The following COQ10A variants were observed in gnomAD, a reference collection of about 807,000 sequenced individuals.
COQ10A encodes coenzyme Q-binding protein COQ10 homolog A, mitochondrial.
In COQ10A, 25 loss-of-function variants were observed where a neutral mutation model predicts 26.1. That is an observed-to-expected ratio of 0.96 (90% CI 0.70 to 1.34). The LOEUF is 1.34. Among genes scored for constraint, COQ10A ranks in the 40% most tolerant of loss-of-function variants. The probability of loss-of-function intolerance (pLI) is 0.00; values close to 1 mark genes in which losing one functional copy is unlikely to be tolerated. For synonymous variants in COQ10A, 132 were observed against 124.0 expected, an observed-to-expected ratio of 1.06 and a Z score of -0.43; for missense variants, 312 against 335.4, an observed-to-expected ratio of 0.93 and a Z score of 0.54.
intron 2 of COQ10A, 83 bp downstream of exon 2, chr12:56,268,023 C>A: frequency 6.5e-7 from 1 of 1,540,478 alleles, no homozygotes; most frequent in South Asian, 1.2e-5. Context: ...AGGGTATCAT[C>A]GGTGGGCAAG....
rs200295521 is a variant in COQ10A, at chr12:56,270,256, A to G, written c.683A>G (p.Lys228Arg). The G allele has an allele frequency of 2.8e-5, 46 of 1,614,134 alleles. No individual in the cohort carries two copies. In the African/African-American group the frequency reaches 5.3e-4, roughly 19 times the overall value. The change falls in exon 5 of 5, where the codon AAG becomes AGG. Residue 228 changes from lysine to arginine, a missense_variant. Physicochemically the swap from Lys to Arg is conservative, Grantham distance 26 (BLOSUM62 2). Transcript: ENST00000308197. ...VAAFERRAAT[K>R]FGPETAIPRE... ...GCCTTTGAGCGTCGGGCAGCCACCA[A>G]GTTTGGTCCAGAAACAGCCATCCCC...
intron 1 of COQ10A, chr12:56,267,591 C>T (rs1872388140): frequency 8.7e-7 from 1 of 1,153,832 alleles, no homozygotes; most frequent in Non-Finnish European, 1.3e-6. Context: ...CTCACCCCGC[C>T]CCCAGCCCTG....
intron 4 of COQ10A, 46 bp from the exon 5 acceptor site, chr12:56,270,104 T>C (rs1872469121): frequency 6.3e-7 from 1 of 1,585,184 alleles, no homozygotes; most frequent in Non-Finnish European, 8.6e-7. Context: ...CCAGGGACTA[T>C]CCAACATGGT....
At chr12:56,268,914 G>A in intron 2 of COQ10A, 145 bp from the exon 3 acceptor site, 1 of 650,872 alleles carries the variant, frequency 1.5e-6, no homozygotes, top group Non-Finnish European at 2.8e-6. Context: ...GTTTGCTTTT[G>A]GGAAGTTATT....
chr12:56,267,061 TGGA>T lies in COQ10A; in HGVS notation c.-56_-54del, dbSNP rs1872367604. The T allele has an allele frequency of 8.0e-7, 1 of 1,243,380 alleles. No individual in the cohort carries two copies. The highest frequency in any genetic ancestry group is 1.0e-6 in the Non-Finnish European group (1 of 993,708). 77.0% of individuals were successfully genotyped at this position (1,243,380 alleles called of 1,614,324 possible). On this transcript the variant is annotated 5_prime_UTR_variant, in exon 1 of 5. Transcript: ENST00000308197. ...CCGCTGCCTCTTGCCGCTCCGCCTT[TGGA>T]GTGAGGAGGGCGCAGCCCGCGTCAG...
At position 56,269,778 on chromosome 12, in the gene COQ10A, C is replaced by T. The variant is rs551812286; in HGVS notation, c.576+217C>T. ...AAGTAGCTGGGATTACAGGAGCCTG[C>T]TACCAAGCCCGACTGATTTTTTATT... On this transcript the variant is annotated intron_variant, in intron 4 of 4. Transcript: ENST00000308197. 4.2e-4 allele frequency: 228 copies of T among 544,120 alleles called. 3 individuals are homozygous for T. The highest frequency in any genetic ancestry group is 1.9e-3 in the South Asian group (94 of 48,712). 33.7% of individuals were successfully genotyped at this position (544,120 alleles called of 1,614,324 possible).
At chr12:56,267,298 C>A in intron 1 of COQ10A, 46 bp downstream of exon 1, 1 of 1,595,350 alleles carries the variant, frequency 6.3e-7, no homozygotes, top group Non-Finnish European at 8.6e-7. Flanking sequence ...TCGCTGCGAA[C>A]CCCGGGGTTC....
chr12:56,269,343 T>A (rs1872439744), intron 3 of COQ10A, 92 bp downstream of exon 3: 1 of 1,465,684 alleles, frequency 6.8e-7, no homozygotes, highest in Non-Finnish European at 9.5e-7. Context: ...AAGTACTTTA[T>A]GTCCATGTGT....
Position 56,270,157 on chromosome 12 carries a change from T to C in COQ10A, c.584T>C (p.Phe195Ser). ...RTCTVDFSIS[F>S]EFRSLLHSQL... is the part of the protein sequence containing the mutation. ...TCTCTTACCCATTCCCAGATTTCCT[T>C]TGAATTTCGTTCTCTGCTGCACTCC... Residue 195 changes from phenylalanine (F) to serine (S), a missense_variant, in exon 5 of 5, where the codon TTT (phenylalanine) becomes TCT (serine). Phe to Ser is a radical substitution (Grantham distance 155). Transcript: ENST00000308197. The C allele has an allele frequency of 6.2e-7, 1 of 1,613,732 alleles. No individual in the cohort carries two copies. The highest frequency in any genetic ancestry group is 8.5e-7 in the Non-Finnish European group (1 of 1,179,684).
At position 56,270,631 on chromosome 12, in the gene COQ10A, T is replaced by C. The variant is rs559433480; in HGVS notation, c.*314T>C. 16 of 228,066 alleles carry C rather than the reference T, an allele frequency of 7.0e-5. No individual in the cohort carries two copies. Among genetic ancestry groups the C allele is most frequent in the Admixed American group, 3.4e-4 (6 of 17,744 alleles). 14.1% of individuals were successfully genotyped at this position (228,066 alleles called of 1,614,324 possible). ...TCTGGACCTTATCAAGACACCTTAG[T>C]GTCTGACCAGGGGACGATAGTAACT... On this transcript the variant is annotated 3_prime_UTR_variant, in exon 5 of 5. Coordinates refer to ENST00000308197, the MANE Select transcript of COQ10A (RefSeq NM_144576.4).
rs1309925914 is a variant in COQ10A at position 56,269,088 on chromosome 12, T to C, written c.311T>C (p.Val104Ala). 9.9e-6 allele frequency: 16 copies of C among 1,613,902 alleles called. No individual in the cohort carries two copies. The Admixed American group carries it at 2.5e-4, about 25-fold the overall frequency. The stretch of plus-strand genomic sequence containing the variant: ...TCAATGCAGGAGATGTATGAGGTGG[T>C]GTCCAACGTCCAGGAGTATCGTGAG... ...GYSMQEMYEVVSNVQEYREFV... is the reference protein window; with the variant it reads ...GYSMQEMYEVASNVQEYREFV... The change falls in exon 3 of 5, where the codon GTG (valine) becomes GCG (alanine). Residue 104 changes from valine to alanine, a missense_variant. Transcript: ENST00000308197.
chr12:56,267,598 C>T (rs1872388435), intron 1 of COQ10A, 196 bp from the exon 2 acceptor site: 2 of 1,160,258 alleles, frequency 1.7e-6, no homozygotes, highest in African/African-American at 1.5e-5. Context: ...CGCCCCCAGC[C>T]CTGTCCTTAG....
chr12:56,267,573 T>A, intron 1 of COQ10A: 1 of 1,150,700 alleles, frequency 8.7e-7, no homozygotes, highest in Non-Finnish European at 1.3e-6. Context: ...CCCCTTTTTC[T>A]CATCCCCCTC....
At position 56,269,107 on chromosome 12, in the gene COQ10A, T is replaced by G; in HGVS notation, c.330T>G (p.Tyr110Ter). 6.2e-7 allele frequency: 1 copy of G among 1,614,026 alleles called. No individual in the cohort carries two copies. Among genetic ancestry groups the G allele is most frequent in the Non-Finnish European group, 8.5e-7 (1 of 1,180,000 alleles). ...MYEVVSNVQE[Y>*]REFVPWCKKS... Reference sequence around the variant, plus strand: ...AGGTGGTGTCCAACGTCCAGGAGTATCGTGAGTTTGTGCCCTGGTGTAAGA... The same window carrying G: ...AGGTGGTGTCCAACGTCCAGGAGTAGCGTGAGTTTGTGCCCTGGTGTAAGA... Residue 110 changes from tyrosine (Y) to a stop codon, truncating the protein, a stop_gained, in exon 3 of 5, where the codon TAT (tyrosine) becomes TAG (stop). Coordinates refer to ENST00000308197, the MANE Select transcript of COQ10A (RefSeq NM_144576.4). LOFTEE classifies it high-confidence loss of function.
Position 56,267,252 on chromosome 12 carries a change from G to A in COQ10A, c.134G>A (p.Arg45Lys). 1 of 1,544,534 alleles carries A rather than the reference G, an allele frequency of 6.5e-7. No homozygotes were observed. The highest frequency in any genetic ancestry group is 8.7e-7 in the Non-Finnish European group (1 of 1,144,486). Residue 45 changes from arginine (R) to lysine (K), a missense_variant and splice_region_variant, in exon 1 of 5, where the codon AGG becomes AAG. By Grantham distance (26) the Arg-to-Lys change is conservative. Coordinates refer to ENST00000308197, the MANE Select transcript of COQ10A (RefSeq NM_144576.4). ...CCTCTGCCACCGCCGCGACCAATGA[G>A]GTGAGAGGGAGGTGACCGCGGCTGA... ...PGPLPPPRPMRFLTSCSLLLP... is the reference protein window; with the variant it reads ...PGPLPPPRPMKFLTSCSLLLP...
rs772221042 is a variant in COQ10A, at chr12:56,270,169, C to T, written c.596C>T (p.Ser199Phe). The T allele has an allele frequency of 6.2e-7, 1 of 1,613,878 alleles. No homozygotes were observed. The highest frequency in any genetic ancestry group is 1.1e-5 in the South Asian group (1 of 91,048). The change falls in exon 5 of 5, where the codon TCT (serine) becomes TTT (phenylalanine). Residue 199 changes from serine (S) to phenylalanine (F), a missense_variant. Physicochemically the swap from Ser to Phe is radical, Grantham distance 155 (BLOSUM62 -2). Transcript: ENST00000308197. ...VDFSISFEFR[S>F]LLHSQLATMF... The stretch of plus-strand genomic sequence containing the variant: ...TCCCAGATTTCCTTTGAATTTCGTT[C>T]TCTGCTGCACTCCCAGCTGGCCACC...
chr12:56,270,128 ACTGT>A lies in COQ10A; in HGVS notation c.577-19_577-16del. 1 of 1,607,100 alleles carries A rather than the reference ACTGT, an allele frequency of 6.2e-7. No individual in the cohort carries two copies. Among genetic ancestry groups the A allele is most frequent in the East Asian group, 2.2e-5 (1 of 44,760 alleles). ...ATCCAACATGGTCTGGAAGTTTCTG[ACTGT>A]CTCTTACCCATTCCCAGATTTCCTT... On this transcript the variant is annotated intron_variant, in intron 4 of 4. Coordinates refer to ENST00000308197, the MANE Select transcript of COQ10A (RefSeq NM_144576.4).
intron 3 of COQ10A, 91 bp from the exon 4 acceptor site, chr12:56,269,369 T>A: frequency 6.8e-7 from 1 of 1,462,040 alleles, no homozygotes; most frequent in Non-Finnish European, 9.6e-7. Context: ...ATTTCCCTCA[T>A]ATCAGAAAAG....
chr12:56,267,061 T>C lies in COQ10A; in HGVS notation c.-58T>C. 1.2e-5 allele frequency: 15 copies of C among 1,243,378 alleles called. No individual in the cohort carries two copies. Among genetic ancestry groups the C allele is most frequent in the Non-Finnish European group, 1.5e-5 (15 of 993,706 alleles). The allele number at this position is 1,243,378 out of a possible 1,614,324, so 77.0% of individuals were successfully genotyped here. A position where few individuals can be genotyped will look rare whatever the true frequency, so the allele number is the denominator to read the frequency against. On this transcript the variant is annotated 5_prime_UTR_variant, in exon 1 of 5. Transcript: ENST00000308197. ...CCGCTGCCTCTTGCCGCTCCGCCTTTGGAGTGAGGAGGGCGCAGCCCGCGT... is the reference window on the plus strand; with the variant it reads ...CCGCTGCCTCTTGCCGCTCCGCCTTCGGAGTGAGGAGGGCGCAGCCCGCGT...
Sources: gnomAD v4.1 joint callset for allele counts on GRCh38, gnomAD v4.1.1 for gene constraint, MANE v1.5 for transcripts, NCBI Gene and HGNC (gene_info 2026-07-23, HGNC 2026-07-21) for gene names.